Variants in PPEF2 observed in about 807,000 individuals in gnomAD.
PPEF2 encodes serine/threonine-protein phosphatase with EF-hands 2.
In PPEF2, 84 loss-of-function variants were observed where a neutral mutation model predicts 84.7. The observed-to-expected ratio is 0.99, with a 90% CI of 0.83 to 1.19. The LOEUF is 1.19. Among genes scored for constraint, PPEF2 ranks in the 50% most tolerant of loss-of-function variants. PPEF2 has a pLI of 0.00. For missense variants in PPEF2, 924 were observed against 937.5 expected (o/e 0.99, Z 0.19); for synonymous variants, 346 against 345.2 (o/e 1.00, Z -0.03).
At chr4:75,897,649 C>T (rs1396473616) in intron 1 of PPEF2, among the ~76,000 whole-genome samples, 2 of 152,182 alleles carry the variant, frequency 1.3e-5, no homozygotes, top group African/African-American at 4.8e-5. Context: ...GTGGTGCACA[C>T]TTGTAATCCC....
intron 11 of PPEF2, 146 bp downstream of exon 11, chr4:75,876,141 T>A: frequency 9.9e-7 from 1 of 1,014,886 alleles, no homozygotes; most frequent in Non-Finnish European, 1.4e-6. Context: ...ATATGAGTCA[T>A]TAGGCAAATA....
chr4:75,864,538 A>G lies in PPEF2; in HGVS notation c.1921-11T>C, dbSNP rs1266172853. On this transcript the variant is annotated splice_polypyrimidine_tract_variant and intron_variant, in intron 15 of 16. Coordinates refer to ENST00000286719, the MANE Select transcript of PPEF2 (RefSeq NM_006239.3). ...ACTTGATTGTATGTTCTGCAAGAAA[A>G]AATTCATTTTCCTTCTTTGTCATAC... 9 of 1,597,986 alleles carry G rather than the reference A, an allele frequency of 5.6e-6. No individual in the cohort carries two copies. Among genetic ancestry groups the G allele is most frequent in the Non-Finnish European group, 7.7e-6 (9 of 1,165,656 alleles).
intron 8 of PPEF2, among the ~76,000 whole-genome samples, chr4:75,883,764 G>A (rs1253771967): frequency 7.5e-6 from 1 of 133,348 alleles, no homozygotes; most frequent in Non-Finnish European, 1.5e-5. Flanking sequence ...CTTGCAGTGA[G>A]CCGAGATCGC....
intron 11 of PPEF2, among the ~76,000 whole-genome samples, chr4:75,875,132 C>T (rs993957119): frequency 6.6e-6 from 1 of 151,892 alleles, no homozygotes; most frequent in Non-Finnish European, 1.5e-5. Flanking sequence ...GTCTCTATCT[C>T]CTGACCTCGT....
intron 16 of PPEF2, 63 bp downstream of exon 16, chr4:75,864,377 T>C: frequency 8.0e-7 from 1 of 1,245,804 alleles, no homozygotes; most frequent in Non-Finnish European, 1.2e-6. Flanking sequence ...AGGAAGGAGA[T>C]TAAGGGTTTA....
At chr4:75,861,997 A>G (rs546257295) in intron 16 of PPEF2, among the ~76,000 whole-genome samples, 7 of 151,326 alleles carry the variant, frequency 4.6e-5, no homozygotes, top group African/African-American at 1.7e-4. Flanking sequence ...TCAAAATTAA[A>G]AACTTTTGGG....
chr4:75,867,310 T>C lies in PPEF2; in HGVS notation c.1756+3A>G. The C allele has an allele frequency of 1.2e-6, 2 of 1,608,308 alleles. No individual in the cohort carries two copies. The highest frequency in any genetic ancestry group is 2.7e-5 in the African/African-American group (2 of 74,750). On this transcript the variant is annotated splice_donor_region_variant and intron_variant, in intron 14 of 16. Coordinates refer to ENST00000286719, the MANE Select transcript of PPEF2 (RefSeq NM_006239.3). Reference sequence around the variant, plus strand: ...TGTGAATCTTTAACTTGATCATTCTTACCGACTTTATCTGCATCATGCTTC... The same window carrying C: ...TGTGAATCTTTAACTTGATCATTCTCACCGACTTTATCTGCATCATGCTTC...
At chr4:75,886,256 A>G (rs76699700) in intron 7 of PPEF2, among the ~76,000 whole-genome samples, 4 of 152,154 alleles carry the variant, frequency 2.6e-5, no homozygotes, top group Non-Finnish European at 5.9e-5. Flanking sequence ...TCGGATAGCC[A>G]GTCTCCCAAT....
intron 1 of PPEF2, among the ~76,000 whole-genome samples, chr4:75,898,555 A>T (rs998008494): frequency 3.3e-5 from 5 of 152,218 alleles, no homozygotes; most frequent in Admixed American, 1.3e-4. Flanking sequence ...CATCACTGCA[A>T]TACCATATTA....
In PPEF2 at chr4:75,860,685, G is replaced by A. The variant is rs757263168; in HGVS notation, c.2244C>T (p.Ser748=). Residue 748 remains serine, a synonymous_variant, in exon 17 of 17, where the codon AGC becomes AGT. Transcript: ENST00000286719. ...QATNAKDSGC[S]SPGAH ...GCTGTTCTTAGTGTGCACCTGGACT[G>A]CTGCAGCCACTGTCTTTAGCATTTG... 1 of 1,614,124 alleles carries A rather than the reference G, an allele frequency of 6.2e-7. No homozygotes were observed. The highest frequency in any genetic ancestry group is 8.5e-7 in the Non-Finnish European group (1 of 1,180,014).
intron 1 of PPEF2, among the ~76,000 whole-genome samples, chr4:75,900,729 GTTC>G (rs938581639): frequency 1.4e-4 from 21 of 152,112 alleles, no homozygotes; most frequent in African/African-American, 4.8e-4. Context: ...ATCTCTTAAA[GTTC>G]TTCTCCTCCT....
chr4:75,872,987 C>G (rs767823067), intron 12 of PPEF2, 140 bp downstream of exon 12: 2 of 753,338 alleles, frequency 2.7e-6, no homozygotes, highest in Non-Finnish European at 4.2e-6. Flanking sequence ...TGTAAAGGAC[C>G]TAGTTGCTTT....
chr4:75,893,865 CT>C (rs914212624), intron 2 of PPEF2, among the ~76,000 whole-genome samples: 2 of 139,658 alleles, frequency 1.4e-5, no homozygotes, highest in African/African-American at 5.5e-5. Context: ...CATTCTCCCT[CT>C]TTTTTTCTTC....
intron 10 of PPEF2, among the ~76,000 whole-genome samples, chr4:75,879,073 A>G (rs1724500895): frequency 6.6e-6 from 1 of 152,086 alleles, no homozygotes; most frequent in African/African-American, 2.4e-5. Context: ...TCCCCATCTT[A>G]TGTTTCCAGT....
At chr4:75,884,286 G>A (rs1396026088) in intron 8 of PPEF2, among the ~76,000 whole-genome samples, 1 of 151,970 alleles carries the variant, frequency 6.6e-6, no homozygotes, top group Non-Finnish European at 1.5e-5. Context: ...AAATTAGCTG[G>A]GCATGGTGGT....
intron 2 of PPEF2, 34 bp downstream of exon 2, chr4:75,896,237 C>A: frequency 6.2e-7 from 1 of 1,604,138 alleles, no homozygotes; most frequent in African/African-American, 1.3e-5. Flanking sequence ...CTTTGTGGTA[C>A]CCACAGCTGG....
chr4:75,879,005 G>T lies in PPEF2; in HGVS notation c.934-2332C>A, dbSNP rs191350800. Among the ~76,000 whole-genome samples the T allele has an allele frequency of 9.6e-4, 146 of 152,298 alleles. 1 individual carries two copies. Among genetic ancestry groups the T allele is most frequent in the African/African-American group, 3.3e-3 (136 of 41,574 alleles). On this transcript the variant is annotated intron_variant, in intron 10 of 16. Transcript: ENST00000286719. ...GAGAAAGCCCTGATGACTAGCAAAT[G>T]ATTCCTCCCATTCACACACATTCCT...
Position 75,891,874 on chromosome 4 carries a change from C to A in PPEF2, c.160G>T (p.Ala54Ser). 1 of 1,613,694 alleles carries A rather than the reference C, an allele frequency of 6.2e-7. No individual in the cohort carries two copies. Among genetic ancestry groups the A allele is most frequent in the Non-Finnish European group, 8.5e-7 (1 of 1,179,620 alleles). The part of the protein sequence containing the change: ...TWSIFQSIEY[A>S]GQQDQVKLHD... ...ACCTTGACTTGGTCTTGCTGCCCAG[C>A]ATATTCTATAGACTGGAAGATGCTC... Residue 54 changes from alanine (A) to serine (S), a missense_variant, in exon 3 of 17, where the codon GCT becomes TCT. Physicochemically the swap from Ala to Ser is moderately conservative, Grantham distance 99. Coordinates refer to ENST00000286719, the MANE Select transcript of PPEF2 (RefSeq NM_006239.3).
rs758922202 is a variant in PPEF2 at position 75,867,314 on chromosome 4, G to A, written c.1755C>T (p.Val585=). 1.3e-5 allele frequency: 21 copies of A among 1,609,208 alleles called. No homozygotes were observed. Among genetic ancestry groups the A allele is most frequent in the South Asian group, 3.3e-5 (3 of 90,806 alleles). ...AATCTTTAACTTGATCATTCTTACC[G>A]ACTTTATCTGCATCATGCTTCTTAA... ...SEFKKHDADK[V]GLITLSDWAA... is the part of the protein sequence containing the mutation. The change falls in exon 14 of 17, where the codon GTC becomes GTT. Residue 585 remains valine, a splice_region_variant and synonymous_variant. Transcript: ENST00000286719.
Sources: allele counts gnomAD v4.1 joint callset (sites outside exome capture counted in the v4.1 genomes callset), GRCh38; gene constraint gnomAD v4.1.1; transcripts MANE v1.5; gene names NCBI Gene and HGNC (gene_info 2026-07-23, HGNC 2026-07-21).